TRIOBP: variants seen among roughly 807,000 people sequenced by gnomAD.
TRIOBP encodes TRIO and F-actin binding protein, also known as TRIO and F-actin-binding protein.
Under a neutral mutation model 238.8 loss-of-function variants are expected in TRIOBP, and 169 were observed. The ratio of observed to expected loss-of-function variants is 0.71; its 90% CI spans 0.62 to 0.80. The LOEUF (loss-of-function observed/expected upper bound fraction) is 0.80. Among genes scored for constraint, TRIOBP ranks in the 30% least tolerant of loss-of-function variants. The probability of loss-of-function intolerance (pLI) is 0.00; values close to 1 mark genes in which losing one functional copy is unlikely to be tolerated. For missense variants in TRIOBP, 2,838 were observed against 3,122.6 expected, an observed-to-expected ratio of 0.91 and a Z score of 2.17; for synonymous variants, 1,150 against 1,274.4, an observed-to-expected ratio of 0.90 and a Z score of 2.08.
chr22:37,734,617 G>T lies in TRIOBP; in HGVS notation c.4281G>T (p.Trp1427Cys). 1.3e-6 allele frequency: 2 copies of T among 1,583,824 alleles called. No homozygotes were observed. The highest frequency in any genetic ancestry group is 1.1e-5 in the South Asian group (1 of 87,802). Reference sequence around the variant, plus strand: ...GCCCAAGACAGCCTCTGGGGGTGTGGCAGAGTCAGGAGGAACCGCCAGGGT... The same window carrying T: ...GCCCAAGACAGCCTCTGGGGGTGTGTCAGAGTCAGGAGGAACCGCCAGGGT... Reference protein sequence around the residue: ...QAGPRQPLGVWQSQEEPPGSQ... With the variant: ...QAGPRQPLGVCQSQEEPPGSQ... Residue 1427 changes from tryptophan to cysteine, a missense_variant, in exon 9 of 24, where the codon TGG becomes TGT. Physicochemically the swap from Trp to Cys is radical, Grantham distance 215. Around this residue, in one of 5 missense-constraint regions of TRIOBP, gnomAD observed 2,096 missense variants for 2,137.4 expected, o/e 0.98. Transcript: ENST00000644935.
chr22:37,744,050 C>T (rs1454741842), intron 11 of TRIOBP, among the ~76,000 whole-genome samples: 5 of 139,796 alleles, frequency 3.6e-5, no homozygotes, highest in Non-Finnish European at 6.0e-5. Flanking sequence ...GTTGCCTAGG[C>T]TGGAGTGGAA....
At chr22:37,727,878 TC>T (rs1206852421) in intron 7 of TRIOBP, among the ~76,000 whole-genome samples, 1 of 152,086 alleles carries the variant, frequency 6.6e-6, no homozygotes. Flanking sequence ...GTTCCAGCCC[TC>T]GAGTTTTCAA....
intron 11 of TRIOBP, among the ~76,000 whole-genome samples, chr22:37,749,689 A>G (rs1161507037): frequency 1.3e-5 from 2 of 150,790 alleles, no homozygotes; most frequent in Non-Finnish European, 3.0e-5. Context: ...GCTCACACCT[A>G]TAATCCCAGC....
rs778567541 is a variant in TRIOBP at position 37,751,816 on chromosome 22, C to G, written c.5367C>G (p.Asp1789Glu). 22 of 1,613,794 alleles carry G rather than the reference C, an allele frequency of 1.4e-5. No individual in the cohort carries two copies. In the Admixed American group the frequency reaches 1.8e-4, roughly 13 times the overall value. ...NFKKGWMSIL[D>E]EPGEPPSPSL... ...AGAAGGGATGGATGTCGATCTTGGACGAGCCTGGAGAGGTAAGAGGACTGA... is the reference window on the plus strand; with the variant it reads ...AGAAGGGATGGATGTCGATCTTGGAGGAGCCTGGAGAGGTAAGAGGACTGA... Residue 1789 changes from aspartate (D) to glutamate (E), a missense_variant, in exon 12 of 24, where the codon GAC becomes GAG. Asp to Glu is a conservative substitution (Grantham distance 45, BLOSUM62 2). Around this residue, in one of 5 missense-constraint regions of TRIOBP, gnomAD observed 2,096 missense variants for 2,137.4 expected, o/e 0.98. Coordinates refer to ENST00000644935, the MANE Select transcript of TRIOBP (RefSeq NM_001039141.3).
At chr22:37,773,419 G>A (rs549160153) in intron 23 of TRIOBP, among the ~76,000 whole-genome samples, 49 of 152,070 alleles carry the variant, frequency 3.2e-4, no homozygotes, top group Non-Finnish European at 6.8e-4. Flanking sequence ...GGGTTTCGCC[G>A]TGATTTCCCA....
chr22:37,759,607 T>C, intron 17 of TRIOBP: 4 of 1,557,716 alleles, frequency 2.6e-6, no homozygotes, highest in Non-Finnish European at 3.4e-6. Context: ...CCCGGGGAAG[T>C]GGGGGGCTAG....
intron 18 of TRIOBP, among the ~76,000 whole-genome samples, chr22:37,767,466 A>C (rs1261341845): frequency 1.3e-5 from 2 of 152,174 alleles, no homozygotes; most frequent in African/African-American, 4.8e-5. Context: ...AGCAGGAGCT[A>C]ATGTTGGGGC....
At chr22:37,699,427 G>A (rs986670452) in intron 2 of TRIOBP, among the ~76,000 whole-genome samples, 9 of 151,890 alleles carry the variant, frequency 5.9e-5, no homozygotes, top group African/African-American at 1.5e-4. Flanking sequence ...TTCAGTGACC[G>A]AAGGAACCTC....
In TRIOBP at chr22:37,748,588, A is replaced by AAT. The variant is rs1555899218; in HGVS notation, c.5323-3184_5323-3183insAT. Among the ~76,000 whole-genome samples the AAT allele has an allele frequency of 3.5e-3, 520 of 148,240 alleles. 3 individuals are homozygous for AAT. The highest frequency in any genetic ancestry group is 0.012 in the African/African-American group (495 of 40,130). On this transcript the variant is annotated intron_variant, in intron 11 of 23. Coordinates refer to ENST00000644935, the MANE Select transcript of TRIOBP (RefSeq NM_001039141.3). ...CAGTGCCTGATAACTTTAAAAAAAA[A>AAT]TTTTTTTTTCTGCAAACACTCCCTG...
intron 15 of TRIOBP, among the ~76,000 whole-genome samples, chr22:37,756,701 C>T (rs1164671655): frequency 1.3e-5 from 2 of 152,232 alleles, no homozygotes; most frequent in Non-Finnish European, 2.9e-5. Context: ...CTGCCACACC[C>T]ACTCGGCAGC....
At chr22:37,740,762 G>A in intron 10 of TRIOBP, 133 bp from the exon 11 acceptor site, 1 of 1,335,002 alleles carries the variant, frequency 7.5e-7, no homozygotes, top group Middle Eastern at 2.5e-4. Context: ...CGGCAGTTCT[G>A]GGAGGAGAGA....
intron 11 of TRIOBP, among the ~76,000 whole-genome samples, chr22:37,742,711 G>C (rs1007055165): frequency 1.3e-5 from 2 of 152,200 alleles, no homozygotes. Context: ...TCTGGCAGGA[G>C]GGGGCAGGTA....
chr22:37,754,522 T>C (rs1390641222), intron 12 of TRIOBP, among the ~76,000 whole-genome samples: 2 of 151,262 alleles, frequency 1.3e-5, no homozygotes, highest in East Asian at 3.9e-4. Flanking sequence ...CTGACCATGG[T>C]GATGATCTGG....
At chr22:37,738,773 G>A in intron 10 of TRIOBP, 54 bp downstream of exon 10, 1 of 1,572,510 alleles carries the variant, frequency 6.4e-7, no homozygotes, top group Non-Finnish European at 8.7e-7. Flanking sequence ...GGGGAAGCAG[G>A]TTGGAGATGG....
chr22:37,747,251 G>T (rs1925330552), intron 11 of TRIOBP, among the ~76,000 whole-genome samples: 1 of 152,248 alleles, frequency 6.6e-6, no homozygotes, highest in Admixed American at 6.5e-5. Flanking sequence ...ATAAGAGAAG[G>T]AGTAGCTCCT....
chr22:37,734,330 A>C (rs1924555074), intron 8 of TRIOBP, 69 bp from the exon 9 acceptor site: 1 of 1,434,440 alleles, frequency 7.0e-7, no homozygotes, highest in African/African-American at 1.4e-5. Flanking sequence ...CTGGGGGCCT[A>C]AGAAAGGCAG....
rs370181488 is a variant in TRIOBP at position 37,755,151 on chromosome 22, T to C, written c.5538T>C (p.Thr1846=). 4 of 1,613,578 alleles carry C rather than the reference T, an allele frequency of 2.5e-6. No homozygotes were observed. In the African/African-American group the frequency reaches 4.0e-5, roughly 16 times the overall value. ...EIDLRSCTDV[T]EYAVQRNYGF... Reference sequence around the variant, plus strand: ...ACCTGCGTTCCTGCACGGATGTCACTGAGTACGCGGTGCAGCGCAACTATG... The same window carrying C: ...ACCTGCGTTCCTGCACGGATGTCACCGAGTACGCGGTGCAGCGCAACTATG... Residue 1846 remains threonine, a synonymous_variant, in exon 14 of 24, where the codon ACT becomes ACC. Coordinates refer to ENST00000644935, the MANE Select transcript of TRIOBP (RefSeq NM_001039141.3).
chr22:37,746,442 C>T (rs1925274499), intron 11 of TRIOBP: 4 of 1,423,272 alleles, frequency 2.8e-6, no homozygotes, highest in African/African-American at 1.5e-5. Flanking sequence ...AGTCAGCCGC[C>T]CGCGCCCGAG....
In TRIOBP at chr22:37,758,045, G is replaced by A; in HGVS notation, c.6120G>A (p.Glu2040=). Residue 2040 remains glutamate, a synonymous_variant, in exon 16 of 24, where the codon GAG becomes GAA. Coordinates refer to ENST00000644935, the MANE Select transcript of TRIOBP (RefSeq NM_001039141.3). The part of the protein sequence containing the change: ...WQELEKLPLR[E]NKRVPLTALL... The stretch of plus-strand genomic sequence containing the variant: ...AGCTGGAGAAGCTGCCCCTGCGGGA[G>A]AATAAGCGGGTGCCCCTCACTGCCC... 1.2e-6 allele frequency: 2 copies of A among 1,612,008 alleles called. No individual in the cohort carries two copies. The highest frequency in any genetic ancestry group is 1.7e-6 in the Non-Finnish European group (2 of 1,179,766).
Sources: allele counts gnomAD v4.1 joint callset (sites outside exome capture counted in the v4.1 genomes callset), GRCh38; gene constraint gnomAD v4.1.1; regional missense constraint gnomAD v4.1.1; transcripts MANE v1.5; gene names NCBI Gene and HGNC (gene_info 2026-07-23, HGNC 2026-07-21).